The following INTS9 variants were observed in gnomAD, a reference collection of about 807,000 sequenced individuals.
The protein encoded by INTS9 is protein related to CPSF subunits of 74 kDa.
Under a neutral mutation model 79.7 loss-of-function variants are expected in INTS9, and 55 were observed. The ratio of observed to expected loss-of-function variants is 0.69; its 90% CI spans 0.56 to 0.86. The LOEUF is 0.86. Among genes scored for constraint, INTS9 ranks in the 40% least tolerant of loss-of-function variants. The probability of loss-of-function intolerance (pLI) is 0.00; values close to 1 mark genes in which losing one functional copy is unlikely to be tolerated. For synonymous variants in INTS9, 319 were observed against 325.2 expected, an observed-to-expected ratio of 0.98 and a Z score of 0.20; for missense variants, 721 against 831.5, an observed-to-expected ratio of 0.87 and a Z score of 1.64.
At chr8:28,782,787 G>A (rs1585343736) in intron 11 of INTS9, among the ~76,000 whole-genome samples, 1 of 152,292 alleles carries the variant, frequency 6.6e-6, no homozygotes, top group African/African-American at 2.4e-5. Flanking sequence ...ACTGTGGCTA[G>A]AGCCCAGGAG....
At chr8:28,877,229 T>C (rs1809443204) in intron 1 of INTS9, among the ~76,000 whole-genome samples, 1 of 151,890 alleles carries the variant, frequency 6.6e-6, no homozygotes, top group Non-Finnish European at 1.5e-5. Context: ...CTACATAGGG[T>C]AAAATAGTTT....
At chr8:28,878,350 T>TC (rs1447732840) in intron 1 of INTS9, among the ~76,000 whole-genome samples, 1 of 152,094 alleles carries the variant, frequency 6.6e-6, no homozygotes, top group African/African-American at 2.4e-5. Context: ...TCTCACTCTG[T>TC]TGCTCAGGCT....
At chr8:28,875,412 T>G (rs1047950023) in intron 1 of INTS9, among the ~76,000 whole-genome samples, 2 of 152,230 alleles carry the variant, frequency 1.3e-5, no homozygotes, top group African/African-American at 4.8e-5. Flanking sequence ...TTGAAAATAC[T>G]TATCAAAGTA....
At chr8:28,811,550 T>C (rs1340462418) in intron 8 of INTS9, among the ~76,000 whole-genome samples, 1 of 152,026 alleles carries the variant, frequency 6.6e-6, no homozygotes, top group Non-Finnish European at 1.5e-5. Context: ...GCTTCCTGAG[T>C]AGCTGGGACC....
At chr8:28,804,517 A>G (rs1804697078) in intron 8 of INTS9, among the ~76,000 whole-genome samples, 1 of 151,258 alleles carries the variant, frequency 6.6e-6, no homozygotes, top group Non-Finnish European at 1.5e-5. Flanking sequence ...GAAGGTTCAC[A>G]GAACACCAAG....
chr8:28,850,219 C>T lies in INTS9; in HGVS notation c.192G>A (p.Leu64=). Reference sequence around the variant, plus strand: ...TTGTAGTCTTAGATATTACCTTGTCCAAGAAAGCATTTCCATCCTTCAGGG... The same window carrying T: ...TTGTAGTCTTAGATATTACCTTGTCTAAGAAAGCATTTCCATCCTTCAGGG... The part of the protein sequence containing the change: ...GWSLKDGNAF[L]DKELKECSGH... Residue 64 remains leucine (L), a synonymous_variant, in exon 3 of 17, where the codon TTG becomes TTA. Coordinates refer to ENST00000521022, the MANE Select transcript of INTS9 (RefSeq NM_018250.4). 6.2e-7 allele frequency: 1 copy of T among 1,613,220 alleles called. No homozygotes were observed. The highest frequency in any genetic ancestry group is 1.7e-5 in the Admixed American group (1 of 59,992).
In INTS9 at chr8:28,777,881, A is replaced by G; in HGVS notation, c.1343T>C (p.Ile448Thr). ...CTGGATGAAGTTCAGCCGGGTGTCGATGGGGCAGTAGATGCATTTCATGGC... is the reference window on the plus strand; with the variant it reads ...CTGGATGAAGTTCAGCCGGGTGTCGGTGGGGCAGTAGATGCATTTCATGGC... ...PLAMKCIYCPIDTRLNFIQVS... is the reference protein window; with the variant it reads ...PLAMKCIYCPTDTRLNFIQVS... Residue 448 changes from isoleucine (I) to threonine (T), a missense_variant, in exon 13 of 17, where the codon ATC (isoleucine) becomes ACC (threonine). Around this residue, in one of 3 missense-constraint regions of INTS9, gnomAD observed 281 missense variants for 300.8 expected, o/e 0.93. Transcript: ENST00000521022. 1 of 1,612,728 alleles carries G rather than the reference A, an allele frequency of 6.2e-7. No homozygotes were observed. The highest frequency in any genetic ancestry group is 8.5e-7 in the Non-Finnish European group (1 of 1,179,374).
At chr8:28,809,113 C>CT (rs543880258) in intron 8 of INTS9, among the ~76,000 whole-genome samples, 18 of 151,950 alleles carry the variant, frequency 1.2e-4, no homozygotes, top group Middle Eastern at 6.8e-3. Context: ...CCGCACCTGG[C>CT]TTTTTTTTAT....
intron 1 of INTS9, among the ~76,000 whole-genome samples, chr8:28,872,139 C>T (rs1809129367): frequency 6.6e-6 from 1 of 152,152 alleles, no homozygotes; most frequent in African/African-American, 2.4e-5. Context: ...AAAACTAAAG[C>T]AGTCCTGAAA....
At chr8:28,850,833 T>C (rs1031930277) in intron 2 of INTS9, among the ~76,000 whole-genome samples, 3 of 152,224 alleles carry the variant, frequency 2.0e-5, no homozygotes, top group Admixed American at 6.5e-5. Context: ...TTCTGGAGAA[T>C]GAAGCTAGTT....
intron 4 of INTS9, among the ~76,000 whole-genome samples, chr8:28,845,743 T>C (rs944959697): frequency 2.6e-5 from 4 of 152,178 alleles, no homozygotes; most frequent in Non-Finnish European, 4.4e-5. Flanking sequence ...GAGGGAGAGC[T>C]CTGGATTCTT....
chr8:28,812,376 T>G lies in INTS9; in HGVS notation c.695A>C (p.Glu232Ala), dbSNP rs1186543568. ...SSNWIIQSHY[E>A]KVSYVSGSSL... ...GGATCCAGAGACATAAGACACTTTC[T>G]CGTAATGAGACTGGATGATCCAGTT... The change falls in exon 8 of 17, where the codon GAG becomes GCG. Residue 232 changes from glutamate to alanine, a missense_variant. Coordinates refer to ENST00000521022, the MANE Select transcript of INTS9 (RefSeq NM_018250.4). 22 of 1,613,922 alleles carry G rather than the reference T, an allele frequency of 1.4e-5. No homozygotes were observed. The East Asian group carries it at 4.9e-4, about 36-fold the overall frequency.
At chr8:28,847,279 T>G (rs1807573597) in intron 3 of INTS9, among the ~76,000 whole-genome samples, 1 of 152,214 alleles carries the variant, frequency 6.6e-6, no homozygotes, top group South Asian at 2.1e-4. Flanking sequence ...GCTGTCAGGT[T>G]AGGAGTCACA....
chr8:28,853,582 GATTT>G (rs1207383923), intron 2 of INTS9, among the ~76,000 whole-genome samples: 1 of 152,016 alleles, frequency 6.6e-6, no homozygotes, highest in Non-Finnish European at 1.5e-5. Context: ...ATGTATGAAA[GATTT>G]ATTTTTAAAG....
At chr8:28,846,336 G>A (rs1055313397) in intron 4 of INTS9, among the ~76,000 whole-genome samples, 3 of 152,176 alleles carry the variant, frequency 2.0e-5, no homozygotes, top group African/African-American at 7.2e-5. Flanking sequence ...ATTCAATATG[G>A]TATTTCAAGT....
intron 11 of INTS9, among the ~76,000 whole-genome samples, chr8:28,786,961 C>A (rs550077572): frequency 3.7e-4 from 56 of 152,306 alleles, no homozygotes; most frequent in South Asian, 6.2e-4. Context: ...TTGTGATCCA[C>A]CCGCCTTGGC....
intron 12 of INTS9, 165 bp downstream of exon 12, chr8:28,780,658 T>C: frequency 2.0e-6 from 2 of 985,460 alleles, no homozygotes; most frequent in African/African-American, 1.7e-5. Context: ...CACACACTGC[T>C]TCACTCTTTC....
At chr8:28,880,531 G>A (rs2131373323) in intron 1 of INTS9, among the ~76,000 whole-genome samples, 1 of 151,938 alleles carries the variant, frequency 6.6e-6, no homozygotes, top group South Asian at 2.1e-4. Context: ...GAGGTGCCGG[G>A]ATTGCAGATG....
rs1054537688 is a variant in INTS9 at position 28,796,389 on chromosome 8, C to A, written c.856+155G>T. On this transcript the variant is annotated intron_variant, in intron 9 of 16. Coordinates refer to ENST00000521022, the MANE Select transcript of INTS9 (RefSeq NM_018250.4). ...TGAGTTCAAAGTGTAACACTCTTTT[C>A]TGTGCTATTATTTGCAAAGATATAC... Among the ~76,000 whole-genome samples, 5 of 152,292 alleles carry A rather than the reference C, an allele frequency of 3.3e-5. 1 individual carries two copies. Among genetic ancestry groups the A allele is most frequent in the Non-Finnish European group, 2.9e-5 (2 of 68,022 alleles).
Sources: allele counts gnomAD v4.1 joint callset (sites outside exome capture counted in the v4.1 genomes callset), GRCh38; gene constraint gnomAD v4.1.1; regional missense constraint gnomAD v4.1.1; transcripts MANE v1.5; gene names NCBI Gene and HGNC (gene_info 2026-07-23, HGNC 2026-07-21).